Variants in MACROD2 observed in about 807,000 individuals in gnomAD.
The protein encoded by MACROD2 is ADP-ribose glycohydrolase MACROD2.
A neutral mutation model predicts 70.4 loss-of-function variants in MACROD2; 36 were observed. The ratio of observed to expected loss-of-function variants is 0.51; its 90% CI spans 0.39 to 0.68. The LOEUF (loss-of-function observed/expected upper bound fraction) is 0.68, where lower values mean the gene tolerates loss of function less well. Among genes scored for constraint, MACROD2 ranks in the 30% least tolerant of loss-of-function variants. The pLI is 0.00. For missense variants in MACROD2, 496 were observed against 538.4 expected (o/e 0.92, Z 0.78); for synonymous variants, 172 against 178.8 (o/e 0.96, Z 0.30).
At chr20:14,835,836 T>C (rs2122250823) in intron 5 of MACROD2, among the ~76,000 whole-genome samples, 1 of 152,222 alleles carries the variant, frequency 6.6e-6, no homozygotes, top group Middle Eastern at 3.4e-3. Context: ...TCACTCATAT[T>C]GCCTTAGTAT....
intron 5 of MACROD2, among the ~76,000 whole-genome samples, chr20:15,081,996 C>T (rs943642811): frequency 3.9e-5 from 6 of 152,122 alleles, no homozygotes; most frequent in African/African-American, 1.4e-4. Flanking sequence ...GCCTGGGAGG[C>T]GTGGACCAAT....
chr20:15,637,174 AGGGAACTAGCCTAGAC>A (rs2049382874), intron 8 of MACROD2, among the ~76,000 whole-genome samples: 1 of 151,926 alleles, frequency 6.6e-6, no homozygotes, highest in African/African-American at 2.4e-5. Flanking sequence ...ATGGCTCTGG[AGGGAACTAGCCTAGAC>A]TTACATCCTG....
chr20:14,417,827 G>A (rs550566924), intron 3 of MACROD2, among the ~76,000 whole-genome samples: 4 of 152,224 alleles, frequency 2.6e-5, no homozygotes, highest in African/African-American at 9.6e-5. Context: ...AAAGCTCAGA[G>A]TTTCTGAAAA....
intron 5 of MACROD2, among the ~76,000 whole-genome samples, chr20:14,755,140 G>A (rs1415415603): frequency 6.6e-6 from 1 of 152,032 alleles, no homozygotes; most frequent in Non-Finnish European, 1.5e-5. Context: ...TAGGGTGGGT[G>A]GAGAAACCAG....
chr20:14,819,778 G>A (rs2072819111), intron 5 of MACROD2, among the ~76,000 whole-genome samples: 1 of 152,132 alleles, frequency 6.6e-6, no homozygotes, highest in South Asian at 2.1e-4. Context: ...TCTAGGCACT[G>A]GGAAGGCCCA....
intron 8 of MACROD2, among the ~76,000 whole-genome samples, chr20:15,647,278 G>T (rs1016672174): frequency 6.6e-6 from 1 of 152,216 alleles, no homozygotes; most frequent in Non-Finnish European, 1.5e-5. Flanking sequence ...TACCTAGATA[G>T]ACTGGGAAGA....
chr20:14,128,606 A>G (rs959153468), intron 3 of MACROD2, among the ~76,000 whole-genome samples: 2 of 152,240 alleles, frequency 1.3e-5, no homozygotes, highest in African/African-American at 4.8e-5. Context: ...TTCAGTGTAT[A>G]TGAAACAGCC....
intron 5 of MACROD2, among the ~76,000 whole-genome samples, chr20:14,865,932 G>A (rs2073423305): frequency 6.6e-6 from 1 of 152,070 alleles, no homozygotes; most frequent in South Asian, 2.1e-4. Context: ...CTAAGGAACT[G>A]GAAGGCAGCC....
intron 3 of MACROD2, among the ~76,000 whole-genome samples, chr20:14,408,986 C>G (rs555340612): frequency 2.6e-5 from 4 of 152,200 alleles, no homozygotes; most frequent in Admixed American, 2.6e-4. Flanking sequence ...AGCCTTCACT[C>G]CTGCTGCAAC....
chr20:14,803,718 C>T (rs1169096715), intron 5 of MACROD2, among the ~76,000 whole-genome samples: 4 of 152,026 alleles, frequency 2.6e-5, no homozygotes, highest in Middle Eastern at 3.4e-3. Flanking sequence ...TGACCTCAGG[C>T]GATTCACCCA....
intron 8 of MACROD2, among the ~76,000 whole-genome samples, chr20:15,740,410 G>A (rs975543134): frequency 6.6e-6 from 1 of 152,168 alleles, no homozygotes; most frequent in Admixed American, 6.5e-5. Context: ...ATGAAGATGA[G>A]AGAGAAGACA....
intron 7 of MACROD2, among the ~76,000 whole-genome samples, chr20:15,492,019 G>A (rs553391305): frequency 1.3e-5 from 2 of 152,296 alleles, no homozygotes; most frequent in South Asian, 4.1e-4. Flanking sequence ...CCTACTAGGT[G>A]CCCCTTTGTG....
intron 5 of MACROD2, among the ~76,000 whole-genome samples, chr20:14,942,972 C>T (rs951774367): frequency 2.0e-5 from 3 of 152,278 alleles, no homozygotes; most frequent in Admixed American, 2.0e-4. Context: ...ATTCCAACCT[C>T]AACTATTTTA....
intron 3 of MACROD2, among the ~76,000 whole-genome samples, chr20:14,207,219 TC>T (rs2081531409): frequency 6.6e-6 from 1 of 151,998 alleles, no homozygotes; most frequent in African/African-American, 2.4e-5. Context: ...TGCCTTAGCC[TC>T]CCGAGTAGCT....
chr20:14,326,048 G>T lies in MACROD2; in HGVS notation c.272-167431G>T, dbSNP rs750329954. On this transcript the variant is annotated intron_variant, in intron 3 of 17. Transcript: ENST00000684519. The surrounding 1 kb of genome is among the most constrained non-coding windows in gnomAD (Gnocchi z 5.5). ...ACAGGAGTTTCATCAAATAGGTAGA[G>T]GTTGCTGGTTTCCATGGGAACCATG... is the stretch of plus-strand genomic sequence containing the variant. 3.7e-6 allele frequency: 6 copies of T among 1,613,838 alleles called. No homozygotes were observed. In the South Asian group the frequency reaches 6.6e-5, roughly 18 times the overall value.
At chr20:15,813,716 C>T (rs1328276038) in intron 8 of MACROD2, among the ~76,000 whole-genome samples, 1 of 152,104 alleles carries the variant, frequency 6.6e-6, no homozygotes, top group Non-Finnish European at 1.5e-5. Flanking sequence ...GAGTTCAAGG[C>T]TTCAGTGAGC....
chr20:15,835,984 C>T (rs547417792), intron 8 of MACROD2, among the ~76,000 whole-genome samples: 24 of 152,176 alleles, frequency 1.6e-4, no homozygotes, highest in African/African-American at 5.3e-4. Flanking sequence ...TTCTAAGAAG[C>T]CCCTGGGAAC....
chr20:14,132,696 G>A (rs760004198), intron 3 of MACROD2, among the ~76,000 whole-genome samples: 4 of 151,868 alleles, frequency 2.6e-5, no homozygotes, highest in Admixed American at 6.6e-5. Flanking sequence ...GGAGTGCAGT[G>A]GCTCAATCTT....
At chr20:14,441,376 G>C (rs971926714) in intron 3 of MACROD2, among the ~76,000 whole-genome samples, 1 of 152,174 alleles carries the variant, frequency 6.6e-6, no homozygotes, top group African/African-American at 2.4e-5. Context: ...CAACTGCCTA[G>C]TCATAGAGTT....
Sources: gnomAD v4.1 joint callset for allele counts (sites outside exome capture counted in the v4.1 genomes callset) on GRCh38, gnomAD v4.1.1 for gene constraint, Gnocchi (gnomAD v3.1) non-coding constraint, MANE v1.5 for transcripts, NCBI Gene and HGNC (gene_info 2026-07-23, HGNC 2026-07-21) for gene names.